Variants in ZDHHC14 observed in about 807,000 individuals in gnomAD.
The protein encoded by ZDHHC14 is palmitoyltransferase ZDHHC14.
A neutral mutation model predicts 47.7 loss-of-function variants in ZDHHC14; 16 were observed. The observed-to-expected ratio is 0.34, with a 90% CI of 0.23 to 0.51. The LOEUF (loss-of-function observed/expected upper bound fraction) is 0.51. Among genes scored for constraint, ZDHHC14 ranks in the 20% least tolerant of loss-of-function variants. The pLI is 0.97. For synonymous variants in ZDHHC14, 293 were observed against 278.9 expected (o/e 1.05, Z -0.50); for missense variants, 515 against 662.5 (o/e 0.78, Z 2.44).
At chr6:157,513,349 G>A (rs978458930) in intron 1 of ZDHHC14, among the ~76,000 whole-genome samples, 3 of 152,236 alleles carry the variant, frequency 2.0e-5, no homozygotes, top group Admixed American at 1.3e-4. Flanking sequence ...AGCTGTGAGT[G>A]TGGTGGTGGC....
chr6:157,399,683 A>T (rs1309962904), intron 1 of ZDHHC14, among the ~76,000 whole-genome samples: 1 of 152,246 alleles, frequency 6.6e-6, no homozygotes, highest in Non-Finnish European at 1.5e-5. Flanking sequence ...TGACCCCGGC[A>T]AGGGCTCTCC....
chr6:157,439,517 T>C (rs751331677), intron 1 of ZDHHC14, among the ~76,000 whole-genome samples: 2 of 152,196 alleles, frequency 1.3e-5, no homozygotes, highest in Non-Finnish European at 2.9e-5. Context: ...CAACAGATGC[T>C]GGCAAGGCTG....
intron 2 of ZDHHC14, among the ~76,000 whole-genome samples, chr6:157,573,772 A>G (rs1783190449): frequency 6.6e-6 from 1 of 152,162 alleles, no homozygotes; most frequent in Non-Finnish European, 1.5e-5. Context: ...CTCTCCATCC[A>G]GCCCAGAGGA....
chr6:157,661,173 T>C (rs1338024700), intron 8 of ZDHHC14, among the ~76,000 whole-genome samples: 1 of 151,804 alleles, frequency 6.6e-6, no homozygotes, highest in Non-Finnish European at 1.5e-5. Flanking sequence ...TGGGTGCCCA[T>C]GGATACCTGG....
intron 1 of ZDHHC14, among the ~76,000 whole-genome samples, chr6:157,408,033 G>A (rs1410458041): frequency 1.3e-5 from 2 of 152,180 alleles, no homozygotes; most frequent in Admixed American, 1.3e-4. Flanking sequence ...ACTCAAGAAG[G>A]AGTTAGCTAT....
intron 1 of ZDHHC14, among the ~76,000 whole-genome samples, chr6:157,425,695 GA>G (rs1472644670): frequency 6.6e-6 from 1 of 152,162 alleles, no homozygotes; most frequent in African/African-American, 2.4e-5. Context: ...CTGGTGTTCT[GA>G]AGTAGAAACT....
intron 1 of ZDHHC14, among the ~76,000 whole-genome samples, chr6:157,415,480 A>T (rs1481494240): frequency 6.6e-6 from 1 of 152,260 alleles, no homozygotes; most frequent in Admixed American, 6.5e-5. Flanking sequence ...AACAGGTGGG[A>T]TGTGCTCCAT....
intron 1 of ZDHHC14, among the ~76,000 whole-genome samples, chr6:157,537,520 G>A (rs1319634817): frequency 6.6e-6 from 1 of 152,172 alleles, no homozygotes; most frequent in Non-Finnish European, 1.5e-5. Context: ...TTTCTTTTAT[G>A]TTATGAAGAT....
At chr6:157,621,115 T>C (rs896727963) in intron 3 of ZDHHC14, among the ~76,000 whole-genome samples, 1 of 152,156 alleles carries the variant, frequency 6.6e-6, no homozygotes, top group Non-Finnish European at 1.5e-5. Context: ...AACTTAGATC[T>C]TACCAAAAGA....
intron 1 of ZDHHC14, among the ~76,000 whole-genome samples, chr6:157,467,203 T>C (rs1779239891): frequency 6.6e-6 from 1 of 152,206 alleles, no homozygotes; most frequent in Non-Finnish European, 1.5e-5. Flanking sequence ...CCTTTTAAGG[T>C]ACACAATTCA....
intron 1 of ZDHHC14, among the ~76,000 whole-genome samples, chr6:157,440,093 A>G (rs1364882912): frequency 6.6e-6 from 1 of 152,112 alleles, no homozygotes; most frequent in Non-Finnish European, 1.5e-5. Context: ...TGATCTGTGC[A>G]GCAAATCATC....
At chr6:157,503,145 T>C (rs1382311113) in intron 1 of ZDHHC14, among the ~76,000 whole-genome samples, 1 of 152,214 alleles carries the variant, frequency 6.6e-6, no homozygotes, top group African/African-American at 2.4e-5. Flanking sequence ...TGTGTGACAG[T>C]TGAGCAGTGT....
intron 1 of ZDHHC14, among the ~76,000 whole-genome samples, chr6:157,384,524 T>C (rs1046082661): frequency 8.5e-5 from 13 of 152,198 alleles, no homozygotes; most frequent in African/African-American, 2.7e-4. Flanking sequence ...ATCAGCTCTG[T>C]GGGAGCGTAT....
intron 1 of ZDHHC14, among the ~76,000 whole-genome samples, chr6:157,486,717 G>C (rs891883681): frequency 1.3e-5 from 2 of 152,194 alleles, no homozygotes; most frequent in Non-Finnish European, 2.9e-5. Context: ...TCCCAGAGGA[G>C]GTCGTGCTGG....
intron 1 of ZDHHC14, among the ~76,000 whole-genome samples, chr6:157,393,464 C>A (rs972868126): frequency 6.6e-6 from 1 of 152,128 alleles, no homozygotes; most frequent in African/African-American, 2.4e-5. Flanking sequence ...GGTTTTCAGG[C>A]GTGGCTCATG....
intron 2 of ZDHHC14, among the ~76,000 whole-genome samples, chr6:157,563,174 G>T (rs1418234421): frequency 1.3e-5 from 2 of 152,208 alleles, no homozygotes; most frequent in East Asian, 3.9e-4. Flanking sequence ...GGCTGGAGGG[G>T]AAGGCAGCCA....
chr6:157,472,277 G>A (rs148973623), intron 1 of ZDHHC14, among the ~76,000 whole-genome samples: 42 of 152,258 alleles, frequency 2.8e-4, no homozygotes, highest in South Asian at 1.5e-3. Context: ...CCCAGGAGGA[G>A]ACCTGGGGCC....
chr6:157,596,970 C>T (rs753355338), intron 3 of ZDHHC14, among the ~76,000 whole-genome samples: 7 of 152,106 alleles, frequency 4.6e-5, no homozygotes, highest in Admixed American at 2.0e-4. Flanking sequence ...CTGCCGTGAT[C>T]GACGTGAATG....
At chr6:157,649,681 C>T (rs1283468963) in intron 7 of ZDHHC14, among the ~76,000 whole-genome samples, 1 of 152,224 alleles carries the variant, frequency 6.6e-6, no homozygotes. Flanking sequence ...TTCTTGTGTT[C>T]CCCTCTGGGA....
Sources: gnomAD v4.1 joint callset for allele counts (sites outside exome capture counted in the v4.1 genomes callset) on GRCh38, gnomAD v4.1.1 for gene constraint, MANE v1.5 for transcripts, NCBI Gene and HGNC (gene_info 2026-07-23, HGNC 2026-07-21) for gene names.